Variants in ATXN7L1 observed in about 807,000 individuals in gnomAD.
ATXN7L1 encodes the protein ataxin 7 like 1, also known as ataxin-7-like protein 1.
Under a neutral mutation model 70.8 loss-of-function variants are expected in ATXN7L1, and 15 were observed. The observed-to-expected ratio is 0.21, with a 90% confidence interval of 0.14 to 0.33. The LOEUF (loss-of-function observed/expected upper bound fraction) is 0.33, where lower values mean the gene tolerates loss of function less well. Among genes scored for constraint, ATXN7L1 ranks in the 10% least tolerant of loss-of-function variants. ATXN7L1 has a pLI of 1.00. For synonymous variants in ATXN7L1, 440 were observed against 445.1 expected, an observed-to-expected ratio of 0.99 and a Z score of 0.14; for missense variants, 975 against 1,097.1, an observed-to-expected ratio of 0.89 and a Z score of 1.57.
At chr7:105,702,846 C>A (rs898758846) in intron 3 of ATXN7L1, among the ~76,000 whole-genome samples, 6 of 151,488 alleles carry the variant, frequency 4.0e-5, no homozygotes, top group African/African-American at 1.5e-4. Flanking sequence ...CCGCCGGGCG[C>A]AGTGGCTCAT....
chr7:105,719,994 T>C (rs1447930876), intron 3 of ATXN7L1, among the ~76,000 whole-genome samples: 1 of 152,188 alleles, frequency 6.6e-6, no homozygotes, highest in Non-Finnish European at 1.5e-5. Context: ...ATATAATCCT[T>C]TAAACGTCTC....
At chr7:105,781,032 C>A (rs377504077) in intron 3 of ATXN7L1, among the ~76,000 whole-genome samples, 2 of 152,112 alleles carry the variant, frequency 1.3e-5, no homozygotes, top group African/African-American at 4.8e-5. Flanking sequence ...TGGCAATGTC[C>A]CGAGATGGTT....
At chr7:105,760,060 G>A (rs1800345225) in intron 3 of ATXN7L1, 2 of 378,266 alleles carry the variant, frequency 5.3e-6, no homozygotes, top group Admixed American at 6.4e-5. Context: ...GAATCAACAA[G>A]CCTCCTCCTA....
intron 2 of ATXN7L1, among the ~76,000 whole-genome samples, chr7:105,789,139 CAGA>C (rs1165606291): frequency 6.6e-6 from 1 of 152,174 alleles, no homozygotes; most frequent in African/African-American, 2.4e-5. Context: ...TGGCTGGGGA[CAGA>C]AGAAGTCATT....
intron 2 of ATXN7L1, among the ~76,000 whole-genome samples, chr7:105,857,098 T>G (rs1317638819): frequency 6.6e-6 from 1 of 152,188 alleles, no homozygotes; most frequent in Admixed American, 6.5e-5. Flanking sequence ...GCTTAAGCTC[T>G]TCCTTCCCTG....
rs537944978 is a variant in ATXN7L1, at chr7:105,669,618, G to T, written c.356-4330C>A. ...GCTTGTCCCCTACCAGTGCAGGTGA[G>T]AAAGGTCATATAAGAATTTAAAGGC... On this transcript the variant is annotated intron_variant, in intron 3 of 11. Transcript: ENST00000419735. Among the ~76,000 whole-genome samples the T allele has an allele frequency of 2.6e-5, 4 of 152,206 alleles. No homozygotes were observed. In the South Asian group the frequency reaches 8.3e-4, roughly 32 times the overall value.
chr7:105,721,358 T>A (rs1795161964), intron 3 of ATXN7L1, among the ~76,000 whole-genome samples: 1 of 151,942 alleles, frequency 6.6e-6, no homozygotes, highest in Admixed American at 6.6e-5. Context: ...AAGGGTTGGG[T>A]GGGGGACAAC....
chr7:105,657,059 C>CTAA (rs1397484818), intron 4 of ATXN7L1, among the ~76,000 whole-genome samples: 1 of 152,168 alleles, frequency 6.6e-6, no homozygotes, highest in Non-Finnish European at 1.5e-5. Context: ...GCTGTTAAAT[C>CTAA]TAATCTAAGG....
intron 3 of ATXN7L1, among the ~76,000 whole-genome samples, chr7:105,734,105 A>C (rs1797120407): frequency 6.6e-6 from 1 of 152,228 alleles, no homozygotes; most frequent in Non-Finnish European, 1.5e-5. Flanking sequence ...TTAATAATTT[A>C]GTTGTAGCTC....
chr7:105,622,884 C>G (rs1795137863), intron 8 of ATXN7L1, among the ~76,000 whole-genome samples: 1 of 152,190 alleles, frequency 6.6e-6, no homozygotes, highest in Non-Finnish European at 1.5e-5. Flanking sequence ...AGCTGACGTA[C>G]AGGGACCATG....
At chr7:105,702,091 C>A (rs1291508557) in intron 3 of ATXN7L1, among the ~76,000 whole-genome samples, 1 of 152,164 alleles carries the variant, frequency 6.6e-6, no homozygotes, top group African/African-American at 2.4e-5. Flanking sequence ...AGAGTCAATT[C>A]AAGTGTAAAA....
intron 2 of ATXN7L1, among the ~76,000 whole-genome samples, chr7:105,807,051 C>T (rs1807724342): frequency 6.6e-6 from 1 of 152,230 alleles, no homozygotes. Context: ...ACGCTGCCAT[C>T]CAGGTGTCCA....
intron 3 of ATXN7L1, among the ~76,000 whole-genome samples, chr7:105,749,255 G>A (rs769394921): frequency 1.1e-4 from 16 of 151,860 alleles, no homozygotes; most frequent in Non-Finnish European, 8.8e-5. Context: ...TCAAAATAGA[G>A]TTTAGGGTAT....
At chr7:105,812,677 T>C (rs564731220) in intron 2 of ATXN7L1, among the ~76,000 whole-genome samples, 1 of 152,176 alleles carries the variant, frequency 6.6e-6, no homozygotes, top group Non-Finnish European at 1.5e-5. Context: ...ACTGTGGCAT[T>C]GTTCTAGGTG....
At position 105,614,415 on chromosome 7, in the gene ATXN7L1, G is replaced by A; in HGVS notation, c.1919C>T (p.Pro640Leu). 2 of 1,551,456 alleles carry A rather than the reference G, an allele frequency of 1.3e-6. No individual in the cohort carries two copies. The highest frequency in any genetic ancestry group is 1.7e-6 in the Non-Finnish European group (2 of 1,146,730). The change falls in exon 10 of 12, where the codon CCA becomes CTA. Residue 640 changes from proline to leucine, a missense_variant. By Grantham distance (98) the Pro-to-Leu change is moderately conservative. Around this residue, in one of 5 missense-constraint regions of ATXN7L1, gnomAD observed 635 missense variants for 699.4 expected, o/e 0.91. Coordinates refer to ENST00000419735, the MANE Select transcript of ATXN7L1 (RefSeq NM_020725.2). The surrounding 1 kb of genome is among the most constrained non-coding windows in gnomAD (Gnocchi z 4.3). ...KDLSTRSDES[P>L]SNKKRKPQSS... ...CTGTGGCTTCCTTTTTTTGTTACTT[G>A]GAGACTCGTCGCTACGGGTGGACAG...
intron 2 of ATXN7L1, among the ~76,000 whole-genome samples, chr7:105,815,368 T>C (rs546123206): frequency 1.9e-4 from 29 of 152,336 alleles, no homozygotes; most frequent in South Asian, 4.1e-4. Context: ...CTGTTCTACA[T>C]TGAGATCACT....
At chr7:105,751,465 T>C (rs1176536722) in intron 3 of ATXN7L1, among the ~76,000 whole-genome samples, 1 of 151,866 alleles carries the variant, frequency 6.6e-6, no homozygotes, top group Non-Finnish European at 1.5e-5. Flanking sequence ...AACCCCCGTC[T>C]CTACTAAAAA....
intron 3 of ATXN7L1, among the ~76,000 whole-genome samples, chr7:105,727,757 TATATATATATATATATATATAC>T (rs1796027831): frequency 3.5e-5 from 3 of 86,838 alleles, no homozygotes; most frequent in African/African-American, 1.4e-4. Context: ...TATATATATA[TATATATATATATATATATATAC>T]ACACACATAC....
intron 4 of ATXN7L1, among the ~76,000 whole-genome samples, chr7:105,662,067 CTTCCTTCCTTCCTTCT>C (rs1562967589): frequency 6.7e-5 from 5 of 74,242 alleles, no homozygotes; most frequent in African/African-American, 2.1e-4. Context: ...TCCTTCCTTC[CTTCCTTCCTTCCTTCT>C]TTCTTTTCTT....
Sources: allele counts gnomAD v4.1 joint callset (sites outside exome capture counted in the v4.1 genomes callset), GRCh38; gene constraint gnomAD v4.1.1; regional missense constraint gnomAD v4.1.1; non-coding constraint Gnocchi (gnomAD v3.1); transcripts MANE v1.5; gene names NCBI Gene and HGNC (gene_info 2026-07-23, HGNC 2026-07-21).